XPO6: variants seen among roughly 807,000 people sequenced by gnomAD.
The protein encoded by XPO6 is exportin 6, also known as exportin-6.
XPO6 carries 3 observed loss-of-function variants against 130.0 expected under a neutral mutation model. The observed-to-expected ratio is 0.02, with a 90% CI of 0.01 to 0.06. The LOEUF (loss-of-function observed/expected upper bound fraction) is 0.06, where lower values mean the gene tolerates loss of function less well. Ranked by LOEUF, XPO6 falls within the 10% of genes least tolerant of loss-of-function variation. The probability of loss-of-function intolerance (pLI) is 1.00; values close to 1 mark genes in which losing one functional copy is unlikely to be tolerated. For missense variants in XPO6, 970 were observed against 1,393.0 expected (o/e 0.70, Z 4.83); for synonymous variants, 524 against 548.9 (o/e 0.95, Z 0.63).
At chr16:28,111,633 C>T (rs2086923550) in intron 17 of XPO6, 184 bp downstream of exon 17, 1 of 558,326 alleles carries the variant, frequency 1.8e-6, no homozygotes, top group East Asian at 3.0e-5. Flanking sequence ...GGTCTGGCTG[C>T]TGTCTTAACT....
At chr16:28,158,933 A>G (rs985317879) in intron 6 of XPO6, among the ~76,000 whole-genome samples, 1 of 152,210 alleles carries the variant, frequency 6.6e-6, no homozygotes, top group African/African-American at 2.4e-5. Flanking sequence ...AAAAATATTT[A>G]AAACTATAAC....
chr16:28,125,609 G>A, intron 13 of XPO6, 80 bp downstream of exon 13: 1 of 1,519,864 alleles, frequency 6.6e-7, no homozygotes, highest in Non-Finnish European at 8.9e-7. Context: ...AAGCTATTTG[G>A]CAATATGCTG....
Position 28,106,886 on chromosome 16 carries a change from AGCTGG to A in XPO6, c.2498-394_2498-390del, listed in dbSNP as rs2086795492. On this transcript the variant is annotated intron_variant, in intron 18 of 23. Coordinates refer to ENST00000304658, the MANE Select transcript of XPO6 (RefSeq NM_015171.4). This position sits in a 1 kb window ranked among gnomAD's most constrained non-coding sequence, Gnocchi z 4.2. Reference sequence around the variant, plus strand: ...TCCCCCTATGACTAATAATCCCTGCAGCTGGGTCAGGGGTTAAGTGGTTGAAAGTG... The same window carrying A: ...TCCCCCTATGACTAATAATCCCTGCAGTCAGGGGTTAAGTGGTTGAAAGTG... 6.6e-6 allele frequency among the ~76,000 whole-genome samples: 1 copy of A among 152,194 alleles called. No homozygotes were observed. Among genetic ancestry groups the A allele is most frequent in the South Asian group, 2.1e-4 (1 of 4,830 alleles).
chr16:28,152,845 A>T, intron 7 of XPO6, 60 bp from the exon 8 acceptor site: 1 of 1,577,412 alleles, frequency 6.3e-7, no homozygotes, highest in South Asian at 1.2e-5. Context: ...TAGAACTTAA[A>T]TTCAATCCAA....
intron 13 of XPO6, among the ~76,000 whole-genome samples, chr16:28,123,354 C>T (rs376058008): frequency 1.3e-5 from 2 of 152,142 alleles, no homozygotes; most frequent in Admixed American, 6.5e-5. Flanking sequence ...GCGATCTGCT[C>T]ACCTCAGCCT....
chr16:28,135,141 T>G, intron 10 of XPO6, 75 bp downstream of exon 10: 1 of 1,249,908 alleles, frequency 8.0e-7, no homozygotes, highest in Non-Finnish European at 1.2e-6. Flanking sequence ...CAGAGGGCTC[T>G]GGGTTCCAGG....
intron 8 of XPO6, 170 bp from the exon 9 acceptor site, chr16:28,146,373 C>A (rs979210291): frequency 3.6e-5 from 21 of 575,948 alleles, no homozygotes; most frequent in Non-Finnish European, 5.9e-5. Context: ...ACCATTGGGC[C>A]CTCCTGAACC....
Position 28,106,537 on chromosome 16 carries a change from CAGTG to C in XPO6, c.2498-44_2498-41del, listed in dbSNP as rs747052127. 15 of 1,524,060 alleles carry C rather than the reference CAGTG, an allele frequency of 9.8e-6. No individual in the cohort carries two copies. The allele number at this position is 1,524,060 out of a possible 1,614,324, so 94.4% of individuals were successfully genotyped here. A position where few individuals can be genotyped will look rare whatever the true frequency, so the allele number is the denominator to read the frequency against. On this transcript the variant is annotated intron_variant, in intron 18 of 23. Coordinates refer to ENST00000304658, the MANE Select transcript of XPO6 (RefSeq NM_015171.4). This position sits in a 1 kb window ranked among gnomAD's most constrained non-coding sequence, Gnocchi z 4.2. ...AGAGATATCGTCAGAGGCTTGCACA[CAGTG>C]AGAACCAGAACCCTGGGCTTCATCA...
chr16:28,104,538 C>CA lies in XPO6; in HGVS notation c.2946+7dup, dbSNP rs748135204. ...AGTCACCTGGCAGCAACCCCGCCCC[C>CA]ACGTTACCTGCATGATGGCACTGAA... On this transcript the variant is annotated splice_region_variant and intron_variant, in intron 21 of 23. Transcript: ENST00000304658. 6.8e-5 allele frequency: 109 copies of CA among 1,613,940 alleles called. No homozygotes were observed. Among genetic ancestry groups the CA allele is most frequent in the Non-Finnish European group, 8.6e-5 (102 of 1,179,960 alleles).
chr16:28,194,057 A>G (rs995958903), intron 1 of XPO6, among the ~76,000 whole-genome samples: 1 of 152,070 alleles, frequency 6.6e-6, no homozygotes, highest in African/African-American at 2.4e-5. Context: ...TGAGCAAATT[A>G]CCTAACCTCT....
chr16:28,133,172 C>T (rs1417230431), intron 11 of XPO6, among the ~76,000 whole-genome samples: 1 of 152,110 alleles, frequency 6.6e-6, no homozygotes, highest in Non-Finnish European at 1.5e-5. Flanking sequence ...CCCGTCTCCA[C>T]TAAAAATACA....
intron 2 of XPO6, 110 bp downstream of exon 2, chr16:28,180,831 T>C: frequency 2.5e-6 from 2 of 792,608 alleles, no homozygotes; most frequent in Non-Finnish European, 3.8e-6. Context: ...GAGCAAGAAT[T>C]CAAGTGGAAA....
intron 1 of XPO6, among the ~76,000 whole-genome samples, chr16:28,195,369 T>C (rs893772226): frequency 1.3e-5 from 2 of 152,060 alleles, no homozygotes; most frequent in African/African-American, 4.8e-5. Context: ...CTACTAACTA[T>C]GAAAAATAGT....
Position 28,156,452 on chromosome 16 carries a change from A to C in XPO6, c.719T>G (p.Val240Gly). 6.2e-7 allele frequency: 1 copy of C among 1,612,352 alleles called. No homozygotes were observed. The highest frequency in any genetic ancestry group is 8.5e-7 in the Non-Finnish European group (1 of 1,178,616). ...CAGGGAACAGATATACTCACTCTCC[A>C]CATCAAGGATGGGAATTGGCTGATT... ...LLNQPIPILD[V>G]ESEYICSLAL... The change falls in exon 7 of 24, where the codon GTG becomes GGG. Residue 240 changes from valine to glycine, a missense_variant. Physicochemically the swap from Val to Gly is moderately radical, Grantham distance 109. This residue lies in a region of XPO6 where 936 missense variants were observed against 1,306.8 expected (regional missense o/e 0.72). Coordinates refer to ENST00000304658, the MANE Select transcript of XPO6 (RefSeq NM_015171.4).
intron 1 of XPO6, among the ~76,000 whole-genome samples, chr16:28,186,365 C>A (rs950596774): frequency 3.5e-5 from 2 of 57,456 alleles, no homozygotes; most frequent in African/African-American, 1.9e-4. Context: ...TTTTTCTGCC[C>A]CAGTTATTCT....
intron 1 of XPO6, among the ~76,000 whole-genome samples, chr16:28,208,683 T>G (rs1315475073): frequency 3.3e-5 from 5 of 152,218 alleles, no homozygotes; most frequent in African/African-American, 7.2e-5. Context: ...ATTCCCATGA[T>G]GCTCTACTGA....
rs918253118 is a variant in XPO6 at position 28,129,923 on chromosome 16, C to T, written c.1606+2411G>A. Among the ~76,000 whole-genome samples the T allele has an allele frequency of 5.9e-5, 9 of 152,156 alleles. No homozygotes were observed. In the East Asian group the frequency reaches 7.7e-4, roughly 13 times the overall value. ...AGAATGGAGGCTTTGGGGTCACATA[C>T]GGATGTCAATGCTGTGCAAGGGGAA... On this transcript the variant is annotated intron_variant, in intron 12 of 23. Coordinates refer to ENST00000304658, the MANE Select transcript of XPO6 (RefSeq NM_015171.4).
intron 1 of XPO6, among the ~76,000 whole-genome samples, chr16:28,186,371 A>ATTTTTT (rs1237138991): frequency 3.0e-4 from 3 of 10,128 alleles, no homozygotes; most frequent in Admixed American, 1.2e-3. Context: ...TGCCCCAGTT[A>ATTTTTT]TTCTTTTTTT....
chr16:28,125,798 A>C lies in XPO6; in HGVS notation c.1657T>G (p.Ser553Ala). Residue 553 changes from serine to alanine, a missense_variant, in exon 13 of 24, where the codon TCC becomes GCC. Ser to Ala is a moderately conservative substitution (Grantham distance 99). Around this residue, in one of 4 missense-constraint regions of XPO6, gnomAD observed 936 missense variants for 1,306.8 expected, o/e 0.72. Coordinates refer to ENST00000304658, the MANE Select transcript of XPO6 (RefSeq NM_015171.4). ...AENDCRRLHC[S>A]LRDLSSLLQA... ...AGCAGGGAGCTCAAGTCTCTCAGGG[A>C]GCAGTGCAGCCGCCGGCAGTCGTTC... 6.2e-7 allele frequency: 1 copy of C among 1,614,174 alleles called. No homozygotes were observed. Among genetic ancestry groups the C allele is most frequent in the South Asian group, 1.1e-5 (1 of 91,080 alleles).
Sources: gnomAD v4.1 joint callset for allele counts (sites outside exome capture counted in the v4.1 genomes callset) on GRCh38, gnomAD v4.1.1 for gene constraint, gnomAD v4.1.1 regional missense constraint, Gnocchi (gnomAD v3.1) non-coding constraint, MANE v1.5 for transcripts, NCBI Gene and HGNC (gene_info 2026-07-23, HGNC 2026-07-21) for gene names.